The following BICDL1 variants were observed in gnomAD, a reference collection of about 807,000 sequenced individuals.
BICDL1 encodes the protein BICD family-like cargo adapter 1.
BICDL1 carries 20 observed loss-of-function variants against 76.8 expected under a neutral mutation model. The ratio of observed to expected loss-of-function variants is 0.26; its 90% CI spans 0.18 to 0.38. BICDL1 has a LOEUF of 0.38. Ranked by LOEUF, BICDL1 falls within the 10% of genes least tolerant of loss-of-function variation. BICDL1 has a pLI of 1.00. For synonymous variants in BICDL1, 383 were observed against 337.1 expected (o/e 1.14, Z -1.49); for missense variants, 700 against 798.6 (o/e 0.88, Z 1.49).
intron 2 of BICDL1, among the ~76,000 whole-genome samples, chr12:120,007,345 T>G (rs1951869280): frequency 6.6e-6 from 1 of 152,248 alleles, no homozygotes; most frequent in Non-Finnish European, 1.5e-5. Context: ...CGCAGCCATC[T>G]GAGCTCTCTC....
At chr12:120,057,235 G>A (rs1219478267) in intron 2 of BICDL1, 5 of 417,978 alleles carry the variant, frequency 1.2e-5, no homozygotes, top group African/African-American at 4.1e-5. Flanking sequence ...GGCTGGTCTC[G>A]AACTCCTGAG....
At chr12:120,089,343 CGT>C (rs766699479) in intron 8 of BICDL1, among the ~76,000 whole-genome samples, 5 of 145,262 alleles carry the variant, frequency 3.4e-5, no homozygotes, top group South Asian at 2.2e-4. Context: ...GTGTGTGTGG[CGT>C]GTGTGTGTGA....
chr12:120,051,502 T>C (rs924989949), intron 2 of BICDL1, among the ~76,000 whole-genome samples: 4 of 152,024 alleles, frequency 2.6e-5, no homozygotes, highest in Non-Finnish European at 5.9e-5. Context: ...TTGTTTTTAA[T>C]TTTTTTTACT....
At chr12:120,040,344 G>A (rs1164027659) in intron 2 of BICDL1, among the ~76,000 whole-genome samples, 1 of 151,974 alleles carries the variant, frequency 6.6e-6, no homozygotes, top group Non-Finnish European at 1.5e-5. Context: ...GCCCATCTTG[G>A]CCTCCCAAAG....
Position 120,084,924 on chromosome 12 carries a change from C to T in BICDL1, c.1583+3907C>T, listed in dbSNP as rs73410840. Among the ~76,000 whole-genome samples, 839 of 151,270 alleles carry T rather than the reference C, an allele frequency of 5.5e-3. 7 individuals carry two copies. The highest frequency in any genetic ancestry group is 0.02 in the African/African-American group (800 of 40,828). On this transcript the variant is annotated intron_variant, in intron 8 of 9. Transcript: ENST00000548673. Reference sequence around the variant, plus strand: ...AAAAAAAAATTACTCATACTCTAACCTCACTTCCACACACACTTTCCCCCT... The same window carrying T: ...AAAAAAAAATTACTCATACTCTAACTTCACTTCCACACACACTTTCCCCCT...
chr12:119,989,309 C>T lies in BICDL1; in HGVS notation c.-560C>T, dbSNP rs1466179351. 6.7e-6 allele frequency among the ~76,000 whole-genome samples: 1 copy of T among 150,166 alleles called. No homozygotes were observed. Among genetic ancestry groups the T allele is most frequent in the Admixed American group, 6.6e-5 (1 of 15,146 alleles). ...TCGGCCCCTGCAGCAGCAGCAGCCG[C>T]CGTCGCCGCCGCTGCTGCTGGGGCT... On this transcript the variant is annotated 5_prime_UTR_variant, in exon 1 of 10. Coordinates refer to ENST00000548673, the MANE Select transcript of BICDL1 (RefSeq NM_001367886.1).
At chr12:120,040,786 C>T (rs957928384) in intron 2 of BICDL1, among the ~76,000 whole-genome samples, 21 of 144,510 alleles carry the variant, frequency 1.5e-4, no homozygotes, top group African/African-American at 2.7e-4. Flanking sequence ...CTCACTCTGT[C>T]GCTCAGACTG....
intron 2 of BICDL1, chr12:120,057,205 G>T: frequency 2.1e-6 from 1 of 475,614 alleles, no homozygotes. Context: ...TGTAGAGACA[G>T]GGTTTCACCA....
chr12:120,001,666 C>A (rs981241065), intron 2 of BICDL1, among the ~76,000 whole-genome samples: 1 of 152,200 alleles, frequency 6.6e-6, no homozygotes, highest in Non-Finnish European at 1.5e-5. Flanking sequence ...ATCTCATTGG[C>A]TTCCTTGGCC....
intron 7 of BICDL1, among the ~76,000 whole-genome samples, chr12:120,075,022 T>G (rs1297341062): frequency 6.6e-6 from 1 of 152,258 alleles, no homozygotes; most frequent in Non-Finnish European, 1.5e-5. Context: ...TTAGAAGAAC[T>G]TACTGCTACC....
chr12:120,071,562 G>A lies in BICDL1; in HGVS notation c.910-60G>A. 3.3e-6 allele frequency: 5 copies of A among 1,534,380 alleles called. No homozygotes were observed. The highest frequency in any genetic ancestry group is 1.3e-5 in the South Asian group (1 of 77,902). On this transcript the variant is annotated intron_variant, in intron 4 of 9. Coordinates refer to ENST00000548673, the MANE Select transcript of BICDL1 (RefSeq NM_001367886.1). The surrounding 1 kb of genome is among the most constrained non-coding windows in gnomAD (Gnocchi z 4.8). The stretch of plus-strand genomic sequence containing the variant: ...ATCCAGAAGCATGATCAGGTTGAGG[G>A]TCAGTTTGTCTTGGTTTTTGTGTTT...
In BICDL1 at chr12:120,001,026, C is replaced by A. The variant is rs140302903; in HGVS notation, c.645+2290C>A. On this transcript the variant is annotated intron_variant, in intron 2 of 9. Transcript: ENST00000548673. Reference sequence around the variant, plus strand: ...TAGGAAGATAACATTTCTACTAGATCTAGATTTTTGTTATCCTTTCTGGCC... The same window carrying A: ...TAGGAAGATAACATTTCTACTAGATATAGATTTTTGTTATCCTTTCTGGCC... Among the ~76,000 whole-genome samples the A allele has an allele frequency of 1.2e-3, 177 of 151,682 alleles. 1 individual carries two copies. The East Asian group carries it at 0.03, about 26-fold the overall frequency.
At chr12:120,052,273 C>G (rs1952878209) in intron 2 of BICDL1, among the ~76,000 whole-genome samples, 1 of 138,894 alleles carries the variant, frequency 7.2e-6, no homozygotes, top group Non-Finnish European at 1.6e-5. Flanking sequence ...TTCTCTCTCT[C>G]TCTCTTTCTA....
In BICDL1 at chr12:120,079,286, G is replaced by GCT. The variant is rs1448119662; in HGVS notation, c.1453-1598_1453-1597dup. Among the ~76,000 whole-genome samples the GCT allele has an allele frequency of 6.6e-6, 1 of 152,220 alleles. No individual in the cohort carries two copies. The highest frequency in any genetic ancestry group is 1.5e-5 in the Non-Finnish European group (1 of 68,038). Reference sequence around the variant, plus strand: ...GTGGCTGCTACCCCAGGGGCTGGCAGCTCTGCCGTCTCGTTCTGGAGAATG... The same window carrying GCT: ...GTGGCTGCTACCCCAGGGGCTGGCAGCTCTCTGCCGTCTCGTTCTGGAGAATG... On this transcript the variant is annotated intron_variant, in intron 7 of 9. Transcript: ENST00000548673. This position sits in a 1 kb window ranked among gnomAD's most constrained non-coding sequence, Gnocchi z 4.3.
At chr12:120,006,741 A>G (rs1311134785) in intron 2 of BICDL1, among the ~76,000 whole-genome samples, 1 of 152,208 alleles carries the variant, frequency 6.6e-6, no homozygotes. Flanking sequence ...GGAAAGGGTT[A>G]GGAGATGAGA....
intron 8 of BICDL1, among the ~76,000 whole-genome samples, chr12:120,089,109 T>C (rs1255368330): frequency 6.6e-6 from 1 of 152,214 alleles, no homozygotes; most frequent in African/African-American, 2.4e-5. Flanking sequence ...CTAAGGGGGA[T>C]TGCTAACTAC....
intron 2 of BICDL1, among the ~76,000 whole-genome samples, chr12:120,043,369 A>G (rs530582580): frequency 1.3e-5 from 2 of 152,356 alleles, no homozygotes; most frequent in South Asian, 4.1e-4. Context: ...AAAAAAGAAA[A>G]GGATTTCAAA....
At chr12:120,020,670 C>A (rs1201432983) in intron 2 of BICDL1, among the ~76,000 whole-genome samples, 3 of 152,086 alleles carry the variant, frequency 2.0e-5, no homozygotes, top group Non-Finnish European at 1.5e-5. Context: ...AGGCAAAAAT[C>A]ATCTACAGAT....
intron 2 of BICDL1, among the ~76,000 whole-genome samples, chr12:120,014,544 T>C (rs1952021207): frequency 6.6e-6 from 1 of 151,828 alleles, no homozygotes; most frequent in Non-Finnish European, 1.5e-5. Flanking sequence ...ATACAAAAAT[T>C]AGCCAAGTGT....
Sources: gnomAD v4.1 joint callset for allele counts (sites outside exome capture counted in the v4.1 genomes callset) on GRCh38, gnomAD v4.1.1 for gene constraint, Gnocchi (gnomAD v3.1) non-coding constraint, MANE v1.5 for transcripts, NCBI Gene and HGNC (gene_info 2026-07-23, HGNC 2026-07-21) for gene names.